MGA: variants seen among roughly 807,000 people sequenced by gnomAD.
The protein encoded by MGA is MAX dimerization protein MGA.
A neutral mutation model predicts 261.1 loss-of-function variants in MGA; 40 were observed. The observed-to-expected ratio is 0.15, with a 90% CI of 0.12 to 0.20. The LOEUF is 0.20. MGA is among the 10% of genes least tolerant of loss of function. The probability of loss-of-function intolerance (pLI) is 1.00; values close to 1 mark genes in which losing one functional copy is unlikely to be tolerated. For synonymous variants in MGA, 1,302 were observed against 1,290.6 expected (o/e 1.01, Z -0.19); for missense variants, 3,397 against 3,630.5 (o/e 0.94, Z 1.65).
At chr15:41,739,864 G>T (rs750491722) in intron 13 of MGA, 42 bp from the exon 14 acceptor site, 15 of 1,585,458 alleles carry the variant, frequency 9.5e-6, no homozygotes, top group Non-Finnish European at 1.2e-5. Context: ...GTTAGCAAGA[G>T]AATTTTATCT....
At chr15:41,691,599 CTTAT>C (rs930496535) in intron 2 of MGA, 9 of 509,200 alleles carry the variant, frequency 1.8e-5, no homozygotes, top group African/African-American at 1.7e-4. Flanking sequence ...ATATATTTGT[CTTAT>C]TTGAGAGCTG....
intron 1 of MGA, among the ~76,000 whole-genome samples, chr15:41,625,705 G>C (rs2056433099): frequency 6.6e-6 from 1 of 151,922 alleles, no homozygotes; most frequent in African/African-American, 2.4e-5. Flanking sequence ...CAGAGTGTGT[G>C]TCCCAAAAAA....
At chr15:41,757,758 A>G in intron 18 of MGA, 30 bp from the exon 19 acceptor site, 3 of 1,573,856 alleles carry the variant, frequency 1.9e-6, no homozygotes, top group Non-Finnish European at 2.6e-6. Context: ...AAATTTCAGT[A>G]AGACACTGAA....
At chr15:41,717,496 C>T (rs2060703808) in intron 9 of MGA, among the ~76,000 whole-genome samples, 2 of 152,022 alleles carry the variant, frequency 1.3e-5, no homozygotes, top group South Asian at 2.1e-4. Flanking sequence ...ATATTATGAA[C>T]AACTTTATGT....
In MGA at chr15:41,736,239, T is replaced by A. The variant is rs142220085; in HGVS notation, c.3975T>A (p.His1325Gln). 3.7e-5 allele frequency: 59 copies of A among 1,613,844 alleles called. No homozygotes were observed. The Middle Eastern group carries it at 4.9e-4, about 14-fold the overall frequency. ...AATCCTCTTCTACTTCTTATATGCA[T>A]CAGAGGTCACCTGGTGGTCCCACCA... Residue 1325 changes from histidine (H) to glutamine (Q), a missense_variant, in exon 13 of 24, where the codon CAT becomes CAA. Coordinates refer to ENST00000219905, the MANE Select transcript of MGA (RefSeq NM_001164273.2).
intron 23 of MGA, among the ~76,000 whole-genome samples, chr15:41,765,655 T>C (rs892121320): frequency 1.3e-5 from 2 of 152,242 alleles, no homozygotes; most frequent in Non-Finnish European, 2.9e-5. Context: ...CCATGCTGCC[T>C]TTAGGGCTTC....
intron 7 of MGA, among the ~76,000 whole-genome samples, chr15:41,709,205 G>T (rs966210716): frequency 6.6e-6 from 1 of 151,982 alleles, no homozygotes. Context: ...AAAACAGCCA[G>T]ATGTGGTGGC....
At chr15:41,647,177 C>T (rs548396447) in intron 1 of MGA, among the ~76,000 whole-genome samples, 1 of 152,228 alleles carries the variant, frequency 6.6e-6, no homozygotes, top group East Asian at 1.9e-4. Flanking sequence ...TCAAAAATTG[C>T]TTGTATGTAC....
At position 41,669,414 on chromosome 15, in the gene MGA, G is replaced by A; in HGVS notation, c.520G>A (p.Val174Ile). The A allele has an allele frequency of 6.2e-7, 1 of 1,613,934 alleles. No homozygotes were observed. The highest frequency in any genetic ancestry group is 8.5e-7 in the Non-Finnish European group (1 of 1,179,882). ...AGGTCATTATTGGATGCATCAACCA[G>A]TATCTTTCTATAAACTCAAACTTAC... Residue 174 changes from valine (V) to isoleucine (I), a missense_variant, in exon 2 of 24, where the codon GTA (valine) becomes ATA (isoleucine). By Grantham distance (29) the Val-to-Ile change is conservative. This residue lies in a region of MGA where 104 missense variants were observed against 212.9 expected (regional missense o/e 0.49). Transcript: ENST00000219905.
intron 1 of MGA, among the ~76,000 whole-genome samples, chr15:41,651,625 T>C (rs80328163): frequency 1.3e-4 from 12 of 90,588 alleles, no homozygotes; most frequent in Non-Finnish European, 1.7e-4. Context: ...CTCTCCTCTC[T>C]CCTCTTCTCT....
At chr15:41,698,726 C>G in intron 3 of MGA, 137 bp from the exon 4 acceptor site, 4 of 611,564 alleles carry the variant, frequency 6.5e-6, no homozygotes, top group Non-Finnish European at 1.1e-5. Flanking sequence ...AAAATTGCTC[C>G]TGTTCTGCCA....
In MGA at chr15:41,754,577, A is replaced by G; in HGVS notation, c.7139+10A>G. On this transcript the variant is annotated intron_variant, in intron 18 of 23. Coordinates refer to ENST00000219905, the MANE Select transcript of MGA (RefSeq NM_001164273.2). Reference sequence around the variant, plus strand: ...AGTCATTCAAACAGCCGTAAGTCTTATTTCTCTTTGGATTGTTGTTTTTGT... The same window carrying G: ...AGTCATTCAAACAGCCGTAAGTCTTGTTTCTCTTTGGATTGTTGTTTTTGT... 3 of 1,557,798 alleles carry G rather than the reference A, an allele frequency of 1.9e-6. No homozygotes were observed. The highest frequency in any genetic ancestry group is 2.6e-6 in the Non-Finnish European group (3 of 1,153,496).
At chr15:41,628,868 G>A (rs1300977564) in intron 1 of MGA, among the ~76,000 whole-genome samples, 4 of 152,120 alleles carry the variant, frequency 2.6e-5, no homozygotes, top group East Asian at 1.9e-4. Context: ...GGCCGGGCAC[G>A]GTGGCTCATG....
intron 2 of MGA, among the ~76,000 whole-genome samples, chr15:41,694,041 C>A (rs75642471): frequency 0.027 from 4,029 of 151,932 alleles, 191 homozygotes; most frequent in African/African-American, 0.093. Context: ...TTTAGTGTAA[C>A]TTTTCTAGTT....
At chr15:41,765,347 G>A (rs2063744900) in intron 23 of MGA, among the ~76,000 whole-genome samples, 1 of 152,188 alleles carries the variant, frequency 6.6e-6, no homozygotes, top group Admixed American at 6.5e-5. Context: ...AAATGATCAT[G>A]GTCTTAGGTC....
In MGA at chr15:41,698,935, G is replaced by T; in HGVS notation, c.2086G>T (p.Asp696Tyr). The T allele has an allele frequency of 6.5e-7, 1 of 1,549,700 alleles. No individual in the cohort carries two copies. The highest frequency in any genetic ancestry group is 1.2e-5 in the South Asian group (1 of 83,908). ...TAGTCTCCAGGCATCAACCACAAAT[G>T]ACTCAGGTATTATAAAATAGTATAA... The change falls in exon 4 of 24, where the codon GAC becomes TAC. Residue 696 changes from aspartate (D) to tyrosine (Y), a missense_variant. Around this residue, in one of 9 missense-constraint regions of MGA, gnomAD observed 563 missense variants for 563.6 expected, o/e 1.00. Transcript: ENST00000219905.
At chr15:41,765,137 T>TTGG (rs2063733056) in intron 23 of MGA, 75 bp downstream of exon 23, 1 of 1,504,500 alleles carries the variant, frequency 6.6e-7, no homozygotes, top group Non-Finnish European at 9.2e-7. Context: ...AAGGAAGGCT[T>TTGG]TGGATGTGTT....
At chr15:41,687,954 A>G (rs1345392083) in intron 2 of MGA, among the ~76,000 whole-genome samples, 2 of 152,166 alleles carry the variant, frequency 1.3e-5, no homozygotes, top group Non-Finnish European at 2.9e-5. Context: ...TTTTGGTACT[A>G]TAGATTTTTG....
chr15:41,707,370 T>C (rs776156050), intron 5 of MGA, among the ~76,000 whole-genome samples: 1 of 152,192 alleles, frequency 6.6e-6, no homozygotes, highest in Non-Finnish European at 1.5e-5. Flanking sequence ...ATTGGCAAAA[T>C]TTATTTCATT....
Sources: gnomAD v4.1 joint callset for allele counts (sites outside exome capture counted in the v4.1 genomes callset) on GRCh38, gnomAD v4.1.1 for gene constraint, gnomAD v4.1.1 regional missense constraint, MANE v1.5 for transcripts, NCBI Gene and HGNC (gene_info 2026-07-23, HGNC 2026-07-21) for gene names.